The following ELK3 variants were observed in gnomAD, a reference collection of about 807,000 sequenced individuals.
ELK3 encodes the protein ETS domain-containing protein Elk-3.
Under a neutral mutation model 28.9 loss-of-function variants are expected in ELK3, and 10 were observed. The observed-to-expected ratio is 0.35, with a 90% confidence interval of 0.21 to 0.59. ELK3 has a LOEUF of 0.59. Ranked by LOEUF, ELK3 falls within the 20% of genes least tolerant of loss-of-function variation. ELK3 has a pLI of 0.82. For synonymous variants in ELK3, 272 were observed against 243.5 expected, an observed-to-expected ratio of 1.12 and a Z score of -1.09; for missense variants, 463 against 517.3, an observed-to-expected ratio of 0.90 and a Z score of 1.02.
chr12:96,214,685 T>G (rs1241144971), intron 1 of ELK3, among the ~76,000 whole-genome samples: 1 of 152,214 alleles, frequency 6.6e-6, no homozygotes, highest in Non-Finnish European at 1.5e-5. Flanking sequence ...ATAAATTTAA[T>G]AGTCTTCCAA....
Position 96,238,962 on chromosome 12 carries a change from G to A in ELK3, c.208-7978G>A, listed in dbSNP as rs948958173. Among the ~76,000 whole-genome samples the A allele has an allele frequency of 6.4e-4, 97 of 152,262 alleles. 1 individual carries two copies. The highest frequency in any genetic ancestry group is 6.3e-3 in the Admixed American group (97 of 15,282). ...CAGCTGCTTTCTGGAAGAGGGTGTG[G>A]TAGTGGAACAGAAATGGCTTAGGTC... On this transcript the variant is annotated intron_variant, in intron 2 of 4. Coordinates refer to ENST00000228741, the MANE Select transcript of ELK3 (RefSeq NM_005230.4).
intron 1 of ELK3, among the ~76,000 whole-genome samples, chr12:96,214,432 AAAAAC>A (rs1273921154): frequency 2.6e-5 from 4 of 152,040 alleles, no homozygotes; most frequent in Non-Finnish European, 5.9e-5. Flanking sequence ...CTCTGTCTCA[AAAAAC>A]AAAACAAAAC....
At chr12:96,258,347 A>G (rs1345890150) in intron 3 of ELK3, among the ~76,000 whole-genome samples, 1 of 152,214 alleles carries the variant, frequency 6.6e-6, no homozygotes, top group East Asian at 1.9e-4. Flanking sequence ...CGACTCAAAT[A>G]ATTTGGTATA....
At position 96,223,489 on chromosome 12, in the gene ELK3, T is replaced by C; in HGVS notation, c.-2-76T>C. On this transcript the variant is annotated intron_variant, in intron 1 of 4. Transcript: ENST00000228741. Reference sequence around the variant, plus strand: ...GAGGGGACAGCTGAGTTGCCCATTCTGAAGCCCCCTCTCTCCTCGCCAAGT... The same window carrying C: ...GAGGGGACAGCTGAGTTGCCCATTCCGAAGCCCCCTCTCTCCTCGCCAAGT... 3.4e-6 allele frequency: 5 copies of C among 1,463,720 alleles called. No individual in the cohort carries two copies. In the South Asian group the frequency reaches 5.7e-5, roughly 17 times the overall value. 90.7% of individuals were successfully genotyped at this position (1,463,720 alleles called of 1,614,324 possible). A position where few individuals can be genotyped will look rare whatever the true frequency, so the allele number is the denominator to read the frequency against.
chr12:96,212,913 T>C (rs1164084096), intron 1 of ELK3: 1 of 152,196 alleles, frequency 6.6e-6, no homozygotes, highest in Non-Finnish European at 1.5e-5. Flanking sequence ...TTAGCTCATT[T>C]TGGAAGAGTC....
At chr12:96,238,786 A>T (rs575259621) in intron 2 of ELK3, among the ~76,000 whole-genome samples, 5 of 152,218 alleles carry the variant, frequency 3.3e-5, no homozygotes, top group Admixed American at 6.5e-5. Flanking sequence ...CCGAAGAGCT[A>T]GAAATAACTG....
chr12:96,245,029 C>A (rs940859567), intron 2 of ELK3, among the ~76,000 whole-genome samples: 1 of 152,120 alleles, frequency 6.6e-6, no homozygotes, highest in African/African-American at 2.4e-5. Flanking sequence ...AGCAAGGTGG[C>A]CGCGGCCACT....
chr12:96,206,480 C>T (rs1047402626), intron 1 of ELK3, among the ~76,000 whole-genome samples: 1 of 152,054 alleles, frequency 6.6e-6, no homozygotes, highest in Non-Finnish European at 1.5e-5. Flanking sequence ...CCATGCCCAG[C>T]TAATTTTTGT....
chr12:96,244,005 CA>C (rs146090608), intron 2 of ELK3, among the ~76,000 whole-genome samples: 42,012 of 111,032 alleles, frequency 0.38, 6,660 homozygotes, highest in Middle Eastern at 0.45. Flanking sequence ...GACTCCATCT[CA>C]AAAAAAAAAA....
At chr12:96,245,086 C>T (rs1037646064) in intron 2 of ELK3, among the ~76,000 whole-genome samples, 5 of 152,194 alleles carry the variant, frequency 3.3e-5, no homozygotes, top group Non-Finnish European at 5.9e-5. Context: ...CCCTGGGCGT[C>T]GGCCTGTATG....
intron 3 of ELK3, among the ~76,000 whole-genome samples, chr12:96,251,606 C>T (rs761636925): frequency 5.3e-5 from 8 of 151,972 alleles, no homozygotes; most frequent in Non-Finnish European, 7.4e-5. Flanking sequence ...GAAAGTGCTA[C>T]GTCAGTGAAA....
chr12:96,216,787 C>A (rs888327179), intron 1 of ELK3, among the ~76,000 whole-genome samples: 3 of 152,156 alleles, frequency 2.0e-5, no homozygotes, highest in African/African-American at 7.2e-5. Context: ...TCATATCAGT[C>A]CCATTTTACC....
chr12:96,236,848 A>C (rs10777776), intron 2 of ELK3, among the ~76,000 whole-genome samples: 70,526 of 152,050 alleles, frequency 0.46, 17,702 homozygotes, highest in East Asian at 0.91. Flanking sequence ...GTTTTGGAAG[A>C]CAGAAGTGTG....
intron 1 of ELK3, chr12:96,197,942 A>T (rs1951483264): frequency 6.6e-6 from 1 of 152,220 alleles, no homozygotes; most frequent in Admixed American, 6.5e-5. Flanking sequence ...TATGTAAATT[A>T]AAATATTCCC....
In ELK3 at chr12:96,268,332, G is replaced by A. The variant is rs981694063; in HGVS notation, c.*1152G>A. The stretch of plus-strand genomic sequence containing the variant: ...ACTGAGAGAGGATACACTGCTTTAT[G>A]TATTACTAAAGTTAGGGGAGAATGA... On this transcript the variant is annotated 3_prime_UTR_variant, in exon 5 of 5. Coordinates refer to ENST00000228741, the MANE Select transcript of ELK3 (RefSeq NM_005230.4). 4 of 152,156 alleles carry A rather than the reference G, an allele frequency of 2.6e-5. No homozygotes were observed. Among genetic ancestry groups the A allele is most frequent in the African/African-American group, 9.7e-5 (4 of 41,432 alleles). The allele number at this position is 152,156 out of a possible 1,614,324, so 9.4% of individuals were successfully genotyped here.
At chr12:96,234,573 C>T (rs766076339) in intron 2 of ELK3, among the ~76,000 whole-genome samples, 32 of 152,222 alleles carry the variant, frequency 2.1e-4, no homozygotes, top group Non-Finnish European at 2.8e-4. Context: ...CGGCTCTTCT[C>T]AGTTCCTACC....
rs75092763 is a variant in ELK3 at position 96,198,691 on chromosome 12, A to G, written c.-3+3986A>G. 1.4e-3 allele frequency among the ~76,000 whole-genome samples: 211 copies of G among 152,306 alleles called. 4 individuals are homozygous for G. In the East Asian group the frequency reaches 0.033, roughly 24 times the overall value. Reference sequence around the variant, plus strand: ...AATGTGAATTGCCTTACAAAGATACAGAAAACTGCTATAAAAAAATAGACA... The same window carrying G: ...AATGTGAATTGCCTTACAAAGATACGGAAAACTGCTATAAAAAAATAGACA... On this transcript the variant is annotated intron_variant, in intron 1 of 4. Transcript: ENST00000228741.
intron 3 of ELK3, among the ~76,000 whole-genome samples, chr12:96,257,870 CG>C (rs1565792480): frequency 2.6e-5 from 4 of 152,162 alleles, no homozygotes; most frequent in African/African-American, 9.7e-5. Flanking sequence ...AGATGAAGTA[CG>C]TTTAGTAAGT....
chr12:96,196,747 G>GTT (rs56206854), intron 1 of ELK3, among the ~76,000 whole-genome samples: 3 of 137,240 alleles, frequency 2.2e-5, no homozygotes, highest in Non-Finnish European at 4.7e-5. Context: ...CTCTAAAAGT[G>GTT]TTTTTTTTTT....
Sources: gnomAD v4.1 joint callset for allele counts (sites outside exome capture counted in the v4.1 genomes callset) on GRCh38, gnomAD v4.1.1 for gene constraint, MANE v1.5 for transcripts, NCBI Gene and HGNC (gene_info 2026-07-23, HGNC 2026-07-21) for gene names.